The following FILIP1L variants were observed in gnomAD, a reference collection of about 807,000 sequenced individuals.
FILIP1L encodes the protein filamin A interacting protein 1 like.
A neutral mutation model predicts 96.6 loss-of-function variants in FILIP1L; 55 were observed. The ratio of observed to expected loss-of-function variants is 0.57; its 90% CI spans 0.46 to 0.71. The LOEUF (loss-of-function observed/expected upper bound fraction) is 0.71. FILIP1L is among the 30% of genes least tolerant of loss of function. FILIP1L has a pLI of 0.00. For missense variants in FILIP1L, 1,304 were observed against 1,321.2 expected (o/e 0.99, Z 0.20); for synonymous variants, 467 against 473.9 (o/e 0.99, Z 0.19).
intron 4 of FILIP1L, chr3:99,898,675 A>G: frequency 5.8e-6 from 1 of 170,968 alleles, no homozygotes; most frequent in South Asian, 1.1e-4. Context: ...CTGAGGCAGG[A>G]GAATCACTTG....
intron 1 of FILIP1L, among the ~76,000 whole-genome samples, chr3:100,012,779 T>TTG (rs1710197030): frequency 1.5e-5 from 2 of 134,764 alleles, no homozygotes; most frequent in African/African-American, 2.7e-5. Flanking sequence ...TTTTTTTTTT[T>TTG]GGGTTGGGGG....
At chr3:100,003,110 A>C (rs1462621076) in intron 1 of FILIP1L, among the ~76,000 whole-genome samples, 2 of 152,270 alleles carry the variant, frequency 1.3e-5, no homozygotes, top group African/African-American at 2.4e-5. Flanking sequence ...ATTATTCAGC[A>C]CTGTAGCCTC....
chr3:100,001,695 A>G lies in FILIP1L; in HGVS notation c.-10-70665T>C, dbSNP rs532729894. On this transcript the variant is annotated intron_variant, in intron 1 of 5. Coordinates refer to ENST00000477258, the MANE Select transcript of FILIP1L (RefSeq NM_001387850.1). ...TCTCTTCTTTCCTCTCCCAAAAGAA[A>G]CAGTACACATTGCAGATGTGGCCAA... Among the ~76,000 whole-genome samples the G allele has an allele frequency of 5.9e-5, 9 of 152,178 alleles. 1 individual carries two copies. Among genetic ancestry groups the G allele is most frequent in the Admixed American group, 2.0e-4 (3 of 15,272 alleles).
intron 1 of FILIP1L, among the ~76,000 whole-genome samples, chr3:100,048,056 C>G (rs1233503722): frequency 6.6e-6 from 1 of 152,062 alleles, no homozygotes; most frequent in Non-Finnish European, 1.5e-5. Context: ...AGGGACTGTC[C>G]CAGGCAAGCT....
intron 5 of FILIP1L, among the ~76,000 whole-genome samples, chr3:99,839,125 C>T (rs1283765102): frequency 6.6e-6 from 1 of 152,118 alleles, no homozygotes; most frequent in Non-Finnish European, 1.5e-5. Flanking sequence ...CCTGTATCCC[C>T]TGCTCAATTC....
chr3:99,902,354 G>T (rs150389267), intron 4 of FILIP1L, among the ~76,000 whole-genome samples: 1 of 152,230 alleles, frequency 6.6e-6, no homozygotes, highest in Non-Finnish European at 1.5e-5. Context: ...GAACTGAATT[G>T]AACAGATATT....
In FILIP1L at chr3:99,987,981, A is replaced by G. The variant is rs9830127; in HGVS notation, c.-10-56951T>C. 5.0e-3 allele frequency among the ~76,000 whole-genome samples: 761 copies of G among 152,308 alleles called. 5 individuals are homozygous for G. The highest frequency in any genetic ancestry group is 0.017 in the African/African-American group (716 of 41,564). On this transcript the variant is annotated intron_variant, in intron 1 of 5. Transcript: ENST00000477258. ...CCAGGCCATCATTCTGTTTCTTAAG[A>G]ATAGCTCTTTTTTCTCTAATCAAAT...
intron 4 of FILIP1L, among the ~76,000 whole-genome samples, chr3:99,905,671 C>T (rs1273601838): frequency 2.6e-5 from 4 of 152,202 alleles, no homozygotes; most frequent in Admixed American, 6.5e-5. Flanking sequence ...AACTCTGCCA[C>T]TAGCCTCCTT....
intron 1 of FILIP1L, among the ~76,000 whole-genome samples, chr3:100,015,532 T>C (rs1710316628): frequency 6.6e-6 from 1 of 152,254 alleles, no homozygotes; most frequent in African/African-American, 2.4e-5. Context: ...TATCTTTCCA[T>C]TTATTTGTGG....
At chr3:99,848,046 C>G in intron 5 of FILIP1L, 1 of 1,243,134 alleles carries the variant, frequency 8.0e-7, no homozygotes, top group Non-Finnish European at 1.0e-6. Flanking sequence ...TATACAAGTG[C>G]AGACTAAATA....
chr3:99,923,816 C>T (rs982696614), intron 4 of FILIP1L, among the ~76,000 whole-genome samples: 23 of 152,234 alleles, frequency 1.5e-4, no homozygotes, highest in African/African-American at 4.8e-4. Flanking sequence ...CTTTTCTCAT[C>T]CTACAATCAT....
chr3:100,007,367 A>G (rs1710017738), intron 1 of FILIP1L, among the ~76,000 whole-genome samples: 1 of 152,220 alleles, frequency 6.6e-6, no homozygotes, highest in Non-Finnish European at 1.5e-5. Context: ...GTCTGCCCAC[A>G]AAACAGATTT....
intron 4 of FILIP1L, among the ~76,000 whole-genome samples, chr3:99,876,902 G>A (rs990808277): frequency 4.6e-5 from 7 of 152,202 alleles, no homozygotes; most frequent in Non-Finnish European, 1.0e-4. Context: ...GTTTTGTGCT[G>A]TACTTTCAAG....
chr3:100,043,142 CA>C (rs1320810177), intron 1 of FILIP1L, among the ~76,000 whole-genome samples: 2 of 152,170 alleles, frequency 1.3e-5, no homozygotes, highest in Non-Finnish European at 2.9e-5. Flanking sequence ...CTCAAATTGA[CA>C]AGAAGTACTC....
chr3:99,908,204 C>T (rs2128144), intron 4 of FILIP1L, among the ~76,000 whole-genome samples: 3 of 152,174 alleles, frequency 2.0e-5, no homozygotes, highest in East Asian at 1.9e-4. Context: ...AAATTGCTGA[C>T]ATAGTATGTC....
chr3:100,039,101 T>C (rs986539789), intron 1 of FILIP1L, among the ~76,000 whole-genome samples: 6 of 152,226 alleles, frequency 3.9e-5, no homozygotes, highest in African/African-American at 1.4e-4. Flanking sequence ...TAGGAAATTA[T>C]GCTTTCACCA....
At chr3:100,090,822 A>C (rs2066090831) in intron 1 of FILIP1L, among the ~76,000 whole-genome samples, 1 of 152,158 alleles carries the variant, frequency 6.6e-6, no homozygotes, top group Non-Finnish European at 1.5e-5. Context: ...TGGCCTCAGG[A>C]ATATGGTATC....
At position 99,983,389 on chromosome 3, in the gene FILIP1L, A is replaced by AATATGTATAT. The variant is rs1553702701; in HGVS notation, c.-10-52360_-10-52359insATATACATAT. Among the ~76,000 whole-genome samples the AATATGTATAT allele has an allele frequency of 1.2e-3, 48 of 40,796 alleles. 1 individual carries two copies. The highest frequency in any genetic ancestry group is 3.3e-3 in the East Asian group (4 of 1,220). 26.8% of individuals were successfully genotyped at this position (40,796 alleles called of 152,430 possible). ...TCTCTACTTAAAAAATAAATAAATA[A>AATATGTATAT]ATATATATATATATATATATATATA... On this transcript the variant is annotated intron_variant, in intron 1 of 5. Transcript: ENST00000477258.
chr3:99,958,359 A>G (rs1708398631), intron 1 of FILIP1L, among the ~76,000 whole-genome samples: 1 of 151,978 alleles, frequency 6.6e-6, no homozygotes, highest in Admixed American at 6.6e-5. Context: ...GAGCAGAGCC[A>G]TGAAGAGAGA....
Sources: allele counts gnomAD v4.1 joint callset (sites outside exome capture counted in the v4.1 genomes callset), GRCh38; gene constraint gnomAD v4.1.1; transcripts MANE v1.5; gene names NCBI Gene and HGNC (gene_info 2026-07-23, HGNC 2026-07-21).